CTNS: variants seen among roughly 807,000 people sequenced by gnomAD.
CTNS encodes cystinosin.
A neutral mutation model predicts 43.7 loss-of-function variants in CTNS; 27 were observed. That is an observed-to-expected ratio of 0.62 (90% CI 0.46 to 0.85). The LOEUF (loss-of-function observed/expected upper bound fraction) is 0.85. Among genes scored for constraint, CTNS ranks in the 40% least tolerant of loss-of-function variants. CTNS has a pLI of 0.00. For synonymous variants in CTNS, 187 were observed against 190.6 expected (o/e 0.98, Z 0.16); for missense variants, 457 against 475.4 (o/e 0.96, Z 0.36).
In CTNS at chr17:3,659,890, G is replaced by A. The variant is rs752243433; in HGVS notation, c.885G>A (p.Glu295=). The change falls in exon 11 of 12, where the codon GAG becomes GAA. Residue 295 remains glutamate, a synonymous_variant. Coordinates refer to ENST00000046640, the MANE Select transcript of CTNS (RefSeq NM_004937.3). ...TGAACTTTTACTACAAAAGCACTGAGGGCTGGAGCATTGGCAACGTGCTCC... is the reference window on the plus strand; with the variant it reads ...TGAACTTTTACTACAAAAGCACTGAAGGCTGGAGCATTGGCAACGTGCTCC... ...AYMNFYYKST[E]GWSIGNVLLD... 5 of 1,613,848 alleles carry A rather than the reference G, an allele frequency of 3.1e-6. No individual in the cohort carries two copies. The highest frequency in any genetic ancestry group is 4.2e-6 in the Non-Finnish European group (5 of 1,179,996).
At chr17:3,649,975 C>T (rs1289653816) in intron 5 of CTNS, among the ~76,000 whole-genome samples, 14 of 152,108 alleles carry the variant, frequency 9.2e-5, no homozygotes, top group Admixed American at 9.2e-4. Flanking sequence ...ATGTTCCCAC[C>T]ACAGCTGGGT....
chr17:3,641,685 C>G (rs905135678), intron 3 of CTNS, among the ~76,000 whole-genome samples: 4 of 152,028 alleles, frequency 2.6e-5, no homozygotes, highest in Non-Finnish European at 5.9e-5. Flanking sequence ...GCCACCGTGC[C>G]TGGCCCAGAT....
rs1180126496 is a variant in CTNS, at chr17:3,649,900, C to T, written c.225+969C>T. ...AACTTCTGGAGAGCTATTGTACAACCTGGCGATATAGTTAACAATCATGTA... is the reference window on the plus strand; with the variant it reads ...AACTTCTGGAGAGCTATTGTACAACTTGGCGATATAGTTAACAATCATGTA... On this transcript the variant is annotated intron_variant, in intron 5 of 11. Transcript: ENST00000046640. Among the ~76,000 whole-genome samples, 5 of 152,168 alleles carry T rather than the reference C, an allele frequency of 3.3e-5. 1 individual carries two copies. The highest frequency in any genetic ancestry group is 3.3e-4 in the Admixed American group (5 of 15,270).
At position 3,655,235 on chromosome 17, in the gene CTNS, T is replaced by A; in HGVS notation, c.344T>A (p.Phe115Tyr). The A allele has an allele frequency of 6.2e-7, 1 of 1,614,102 alleles. No homozygotes were observed. Among genetic ancestry groups the A allele is most frequent in the Non-Finnish European group, 8.5e-7 (1 of 1,180,018 alleles). Residue 115 changes from phenylalanine (F) to tyrosine (Y), a missense_variant, in exon 7 of 12, where the codon TTT (phenylalanine) becomes TAT (tyrosine). Transcript: ENST00000046640. ...HSNQTGPRIR[F>Y]LVIRSSAISI... ...CTCCTTTCCAGCCCGAGGATACGCTTTCTTGTGATCCGCAGCAGCGCCATT... is the reference window on the plus strand; with the variant it reads ...CTCCTTTCCAGCCCGAGGATACGCTATCTTGTGATCCGCAGCAGCGCCATT...
chr17:3,650,750 A>G (rs1383922509), intron 5 of CTNS, among the ~76,000 whole-genome samples: 2 of 152,200 alleles, frequency 1.3e-5, no homozygotes, highest in East Asian at 1.9e-4. Context: ...TTTAGGGCCA[A>G]ACATCGAAGT....
chr17:3,660,395 C>G lies in CTNS; in HGVS notation c.*26C>G, dbSNP rs949171456. 1 of 1,614,166 alleles carries G rather than the reference C, an allele frequency of 6.2e-7. No homozygotes were observed. Among genetic ancestry groups the G allele is most frequent in the Admixed American group, 1.7e-5 (1 of 60,036 alleles). On this transcript the variant is annotated 3_prime_UTR_variant, in exon 12 of 12. Transcript: ENST00000046640. ...CACCCAGGGACCCAGTGTACCCAGCCTCTGGCCTCGTGCCCTGCTGGGGAA... is the reference window on the plus strand; with the variant it reads ...CACCCAGGGACCCAGTGTACCCAGCGTCTGGCCTCGTGCCCTGCTGGGGAA...
At chr17:3,655,146 G>A (rs1476428328) in intron 6 of CTNS, 45 bp downstream of exon 6, 20 of 1,613,936 alleles carry the variant, frequency 1.2e-5, no homozygotes, top group Non-Finnish European at 1.7e-5. Context: ...ACAAGAAGGG[G>A]GCCGTGCTGG....
chr17:3,644,754 G>A (rs1025522990), intron 3 of CTNS, among the ~76,000 whole-genome samples: 12 of 152,164 alleles, frequency 7.9e-5, no homozygotes, highest in Admixed American at 5.2e-4. Flanking sequence ...CTGAGCCACC[G>A]CGCCCGGCCT....
At position 3,655,293 on chromosome 17, in the gene CTNS, C is replaced by T; in HGVS notation, c.402C>T (p.Tyr134=). 1 of 1,614,226 alleles carries T rather than the reference C, an allele frequency of 6.2e-7. No individual in the cohort carries two copies. The highest frequency in any genetic ancestry group is 8.5e-7 in the Non-Finnish European group (1 of 1,180,038). Residue 134 remains tyrosine, a synonymous_variant, in exon 7 of 12, where the codon TAC becomes TAT. Coordinates refer to ENST00000046640, the MANE Select transcript of CTNS (RefSeq NM_004937.3). Reference sequence around the variant, plus strand: ...TAAACCAGGTGATTGGCTGGATCTACTTTGTGGCCTGGTCCATCTCCTTCT... The same window carrying T: ...TAAACCAGGTGATTGGCTGGATCTATTTTGTGGCCTGGTCCATCTCCTTCT... ...SIINQVIGWI[Y]FVAWSISFYP... is the part of the protein sequence containing the mutation.
In CTNS at chr17:3,662,760, T is replaced by G. The variant is rs2142989855; in HGVS notation, c.*2391T>G. The G allele has an allele frequency of 6.6e-6, 1 of 152,238 alleles. No individual in the cohort carries two copies. Among genetic ancestry groups the G allele is most frequent in the South Asian group, 2.1e-4 (1 of 4,810 alleles). 9.4% of individuals were successfully genotyped at this position (152,238 alleles called of 1,614,324 possible). ...CACCAGCCCCGGGCTTTCAGGCAGG[T>G]GGGCCTGGGAGTAGTTGAGCTTTGT... is the stretch of plus-strand genomic sequence containing the variant. On this transcript the variant is annotated 3_prime_UTR_variant, in exon 12 of 12. Coordinates refer to ENST00000046640, the MANE Select transcript of CTNS (RefSeq NM_004937.3).
chr17:3,640,247 T>C lies in CTNS; in HGVS notation c.41T>C (p.Leu14Pro). Residue 14 changes from leucine (L) to proline (P), a missense_variant, in exon 3 of 12, where the codon CTG (leucine) becomes CCG (proline). Transcript: ENST00000046640. The stretch of plus-strand genomic sequence containing the variant: ...CTGACTATTTTTATCCTTTTTCCCC[T>C]GAAGCTCGTAGAGAAATGTGGTAAG... The part of the protein sequence containing the change: ...NWLTIFILFP[L>P]KLVEKCESSV... 5 of 1,614,070 alleles carry C rather than the reference T, an allele frequency of 3.1e-6. No homozygotes were observed. Among genetic ancestry groups the C allele is most frequent in the Non-Finnish European group, 4.2e-6 (5 of 1,179,892 alleles).
At chr17:3,652,460 C>T (rs192902395) in intron 5 of CTNS, among the ~76,000 whole-genome samples, 1 of 152,010 alleles carries the variant, frequency 6.6e-6, no homozygotes, top group Non-Finnish European at 1.5e-5. Context: ...AGCGTGGTGG[C>T]AAGTACCTGT....
chr17:3,647,709 C>T, intron 4 of CTNS, 187 bp downstream of exon 4: 1 of 638,722 alleles, frequency 1.6e-6, no homozygotes, highest in Admixed American at 2.4e-5. Flanking sequence ...AGGCTGACCC[C>T]CACCCTGAGT....
chr17:3,658,437 C>A (rs980411389), intron 10 of CTNS, among the ~76,000 whole-genome samples: 7 of 152,228 alleles, frequency 4.6e-5, no homozygotes, highest in Admixed American at 3.9e-4. Context: ...GGTGGTTCCC[C>A]TTCTCCACAC....
chr17:3,655,326 G>C lies in CTNS; in HGVS notation c.435G>C (p.Gln145His). ...FVAWSISFYP[Q>H]VIMNWRRKSV... is the part of the protein sequence containing the mutation. ...CCTGGTCCATCTCCTTCTACCCTCA[G>C]GTGATCATGAATTGGAGGCGGAAAA... Residue 145 changes from glutamine to histidine, a missense_variant, in exon 7 of 12, where the codon CAG becomes CAC. Gln to His is a conservative substitution (Grantham distance 24). Coordinates refer to ENST00000046640, the MANE Select transcript of CTNS (RefSeq NM_004937.3). 1 of 1,614,184 alleles carries C rather than the reference G, an allele frequency of 6.2e-7. No individual in the cohort carries two copies. The highest frequency in any genetic ancestry group is 8.5e-7 in the Non-Finnish European group (1 of 1,180,036).
At chr17:3,650,257 G>A (rs1567704312) in intron 5 of CTNS, 5 of 1,550,410 alleles carry the variant, frequency 3.2e-6, no homozygotes, top group South Asian at 1.2e-5. Context: ...TCAGCTCTGA[G>A]CCCCCTAGGA....
At chr17:3,654,918 C>G (rs72835815) in intron 5 of CTNS, 80 bp from the exon 6 acceptor site, 1 of 983,646 alleles carries the variant, frequency 1.0e-6, no homozygotes, top group Non-Finnish European at 1.7e-6. Flanking sequence ...CGTTCCCTAG[C>G]GTGTTGCATA....
chr17:3,655,933 G>T, intron 7 of CTNS: 1 of 264,850 alleles, frequency 3.8e-6, no homozygotes, highest in Non-Finnish European at 7.4e-6. Flanking sequence ...GCAGGGATTA[G>T]GTGGCATCCG....
chr17:3,638,773 G>T (rs115756725), intron 2 of CTNS, among the ~76,000 whole-genome samples: 104 of 152,306 alleles, frequency 6.8e-4, no homozygotes, highest in African/African-American at 2.4e-3. Context: ...CAGGTGTGAG[G>T]AGCGGAGGGC....
Sources: allele counts gnomAD v4.1 joint callset (sites outside exome capture counted in the v4.1 genomes callset), GRCh38; gene constraint gnomAD v4.1.1; transcripts MANE v1.5; gene names NCBI Gene and HGNC (gene_info 2026-07-23, HGNC 2026-07-21).